YBX2: variants seen among roughly 807,000 people sequenced by gnomAD.
YBX2 encodes the protein Y-box binding protein 2, also known as Y-box-binding protein 2.
A neutral mutation model predicts 44.4 loss-of-function variants in YBX2; 5 were observed. The observed-to-expected ratio is 0.11, with a 90% CI of 0.06 to 0.24. The LOEUF is 0.24. YBX2 is among the 10% of genes least tolerant of loss of function. The pLI is 1.00. For missense variants in YBX2, 417 were observed against 526.9 expected (o/e 0.79, Z 2.04); for synonymous variants, 188 against 216.1 (o/e 0.87, Z 1.14).
chr17:7,290,297 C>G lies in YBX2; in HGVS notation c.698G>C (p.Arg233Pro), dbSNP rs541565176. The part of the protein sequence containing the change: ...WCPPPFFYRR[R>P]FVRGPRPPNQ... Reference sequence around the variant, plus strand: ...GGGAGGCCGGGGGCCTCGCACAAACCGCCGTCGGTAGAAGAAGGGTGGGGG... The same window carrying G: ...GGGAGGCCGGGGGCCTCGCACAAACGGCCGTCGGTAGAAGAAGGGTGGGGG... The change falls in exon 5 of 9, where the codon CGG becomes CCG. Residue 233 changes from arginine to proline, a missense_variant. Coordinates refer to ENST00000007699, the MANE Select transcript of YBX2 (RefSeq NM_015982.4). 1 of 1,613,528 alleles carries G rather than the reference C, an allele frequency of 6.2e-7. No individual in the cohort carries two copies. The highest frequency in any genetic ancestry group is 1.7e-5 in the Admixed American group (1 of 59,952).
rs1424040456 is a variant in YBX2 at position 7,290,342 on chromosome 17, T to C, written c.653A>G (p.Gln218Arg). The change falls in exon 5 of 9, where the codon CAA becomes CGA. Residue 218 changes from glutamine to arginine, a missense_variant. Transcript: ENST00000007699. The stretch of plus-strand genomic sequence containing the variant: ...TGGGGGGCACCATCGTCGGGGCCGT[T>C]GCCCAGAGTCTTCAGCCCGCTCCCC... ...SKGERAEDSG[Q>R]RPRRWCPPPF... The C allele has an allele frequency of 6.2e-7, 1 of 1,613,780 alleles. No homozygotes were observed. The highest frequency in any genetic ancestry group is 1.7e-5 in the Admixed American group (1 of 60,010).
At chr17:7,292,233 C>G in intron 2 of YBX2, 174 bp from the exon 3 acceptor site, 1 of 741,612 alleles carries the variant, frequency 1.3e-6, no homozygotes, top group Non-Finnish European at 2.4e-6. Context: ...CCCCCAGAAG[C>G]TGGTGTAAAG....
In YBX2 at chr17:7,294,270, G is replaced by A; in HGVS notation, c.231C>T (p.Pro77=). 1 of 1,274,300 alleles carries A rather than the reference G, an allele frequency of 7.8e-7. No individual in the cohort carries two copies. The highest frequency in any genetic ancestry group is 4.2e-5 in the Admixed American group (1 of 23,942). The allele number at this position is 1,274,300 out of a possible 1,614,324, so 78.9% of individuals were successfully genotyped here. A position where few individuals can be genotyped will look rare whatever the true frequency, so the allele number is the denominator to read the frequency against. ...GNPATAVSGT[P]APPARSQADK... The stretch of plus-strand genomic sequence containing the variant: ...CCGCCTGACTCCGGGCCGGGGGGGC[G>A]GGGGTTCCCGAGACCGCCGTCGCCG... The change falls in exon 1 of 9, where the codon CCC becomes CCT. Residue 77 remains proline, a synonymous_variant. Coordinates refer to ENST00000007699, the MANE Select transcript of YBX2 (RefSeq NM_015982.4). This position sits in a 1 kb window ranked among gnomAD's most constrained non-coding sequence, Gnocchi z 4.6.
intron 7 of YBX2, 106 bp downstream of exon 7, chr17:7,289,424 G>A: frequency 6.7e-7 from 1 of 1,500,484 alleles, no homozygotes; most frequent in Admixed American, 2.0e-5. Context: ...CAGGGCCAGG[G>A]CAGGGGAGGG....
chr17:7,292,209 G>T, intron 2 of YBX2, 150 bp from the exon 3 acceptor site: 2 of 891,732 alleles, frequency 2.2e-6, no homozygotes, highest in Non-Finnish European at 3.7e-6. Flanking sequence ...GAATGGGAGG[G>T]AGAGCCAGCA....
Position 7,294,325 on chromosome 17 carries a change from G to A in YBX2, c.176C>T (p.Ser59Leu). Residue 59 changes from serine (S) to leucine (L), a missense_variant, in exon 1 of 9, where the codon TCG becomes TTG. Physicochemically the swap from Ser to Leu is moderately radical, Grantham distance 145. Coordinates refer to ENST00000007699, the MANE Select transcript of YBX2 (RefSeq NM_015982.4). The surrounding 1 kb of genome is among the most constrained non-coding windows in gnomAD (Gnocchi z 4.6). ...GCCAGGGGTGCGGGAGCCCGGCGCCGAGGGGGTCCCAGCAGCGGGGCCCGA... is the reference window on the plus strand; with the variant it reads ...GCCAGGGGTGCGGGAGCCCGGCGCCAAGGGGGTCCCAGCAGCGGGGCCCGA... ...AASGPAAGTP[S>L]APGSRTPGNP... 3.1e-6 allele frequency: 4 copies of A among 1,292,132 alleles called. No homozygotes were observed. Among genetic ancestry groups the A allele is most frequent in the African/African-American group, 1.5e-5 (1 of 64,592 alleles). 80.0% of individuals were successfully genotyped at this position (1,292,132 alleles called of 1,614,324 possible).
At chr17:7,289,496 G>A (rs754970237) in intron 7 of YBX2, 34 bp downstream of exon 7, 3 of 1,569,878 alleles carry the variant, frequency 1.9e-6, no homozygotes, top group South Asian at 2.3e-5. Context: ...GCTGGTCTCA[G>A]CCTTTTCTTT....
Position 7,290,504 on chromosome 17 carries a change from C to G in YBX2, c.491G>C (p.Gly164Ala), listed in dbSNP as rs1449017139. 1 of 1,612,468 alleles carries G rather than the reference C, an allele frequency of 6.2e-7. No individual in the cohort carries two copies. Among genetic ancestry groups the G allele is most frequent in the Admixed American group, 1.7e-5 (1 of 59,942 alleles). Residue 164 changes from glycine to alanine, a missense_variant, in exon 5 of 9, where the codon GGG becomes GCG. Transcript: ENST00000007699. ...ACGGCTGCCCTTCACGGGTACTCCC[C>G]CAGGCCCAGTTACATTAGTGGCTTC... The part of the protein sequence containing the change: ...GAEATNVTGP[G>A]GVPVKGSRYA...
chr17:7,289,676 C>T lies in YBX2; in HGVS notation c.898G>A (p.Gly300Ser), dbSNP rs533341643. 5 of 1,614,122 alleles carry T rather than the reference C, an allele frequency of 3.1e-6. No individual in the cohort carries two copies. In the South Asian group the frequency reaches 5.5e-5, roughly 18 times the overall value. ...RQQPTTEGGD[G>S]ETKPSQGPAD... Reference sequence around the variant, plus strand: ...GGACCTTGGCTGGGCTTGGTCTCACCATCCCCACCTTCTGTGGTAGGCTGC... The same window carrying T: ...GGACCTTGGCTGGGCTTGGTCTCACTATCCCCACCTTCTGTGGTAGGCTGC... Residue 300 changes from glycine (G) to serine (S), a missense_variant, in exon 7 of 9, where the codon GGT (glycine) becomes AGT (serine). This residue lies in a region of YBX2 where 257 missense variants were observed against 261.7 expected (regional missense o/e 0.98). Transcript: ENST00000007699.
rs377140849 is a variant in YBX2, at chr17:7,290,391, C to A, written c.604G>T (p.Ala202Ser). Reference sequence around the variant, plus strand: ...CCTTTACTGCCAGGTCCTGTCCCCGCCGAGGGGATCTCTGCCACCATGGGT... The same window carrying A: ...CCTTTACTGCCAGGTCCTGTCCCCGACGAGGGGATCTCTGCCACCATGGGT... The part of the protein sequence containing the change: ...PPPMVAEIPS[A>S]GTGPGSKGER... Residue 202 changes from alanine to serine, a missense_variant, in exon 5 of 9, where the codon GCG (alanine) becomes TCG (serine). Ala to Ser is a moderately conservative substitution (Grantham distance 99). Coordinates refer to ENST00000007699, the MANE Select transcript of YBX2 (RefSeq NM_015982.4). The A allele has an allele frequency of 8.7e-6, 14 of 1,613,800 alleles. No homozygotes were observed. The East Asian group carries it at 3.1e-4, about 36-fold the overall frequency.
chr17:7,291,994 T>C lies in YBX2; in HGVS notation c.369+32A>G. 6.2e-7 allele frequency: 1 copy of C among 1,614,092 alleles called. No homozygotes were observed. The highest frequency in any genetic ancestry group is 1.1e-5 in the South Asian group (1 of 91,080). ...GCAAAGGCCTTCAAAGACGGCCGGTTCTTCCCCTCAGAAAGCTAACCTAGC... is the reference window on the plus strand; with the variant it reads ...GCAAAGGCCTTCAAAGACGGCCGGTCCTTCCCCTCAGAAAGCTAACCTAGC... On this transcript the variant is annotated intron_variant, in intron 3 of 8. Coordinates refer to ENST00000007699, the MANE Select transcript of YBX2 (RefSeq NM_015982.4). The surrounding 1 kb of genome is among the most constrained non-coding windows in gnomAD (Gnocchi z 5.8).
At position 7,289,579 on chromosome 17, in the gene YBX2, G is replaced by T; in HGVS notation, c.995C>A (p.Ala332Asp). 6.2e-7 allele frequency: 1 copy of T among 1,612,372 alleles called. No homozygotes were observed. ...GCCAGGGGCCTGCTGGGGGCCAGGG[G>T]CCTGCTGCCGTCTCCGCTGGAAGTA... ...RPYFQRRRQQ[A>D]PGPQQAPGPR... Residue 332 changes from alanine (A) to aspartate (D), a missense_variant, in exon 7 of 9, where the codon GCC (alanine) becomes GAC (aspartate). Transcript: ENST00000007699.
rs1201908770 is a variant in YBX2, at chr17:7,291,344, C to A, written c.370-162G>T. ...GGTCAAAGTTTAGCAGGGGAAAAGT[C>A]CTGAACTCAGGGCCTCAGCAGATTG... On this transcript the variant is annotated intron_variant, in intron 3 of 8. Transcript: ENST00000007699. This position sits in a 1 kb window ranked among gnomAD's most constrained non-coding sequence, Gnocchi z 5.8. 1.7e-5 allele frequency: 12 copies of A among 715,984 alleles called. 1 individual carries two copies. The Admixed American group carries it at 2.5e-4, about 15-fold the overall frequency. 44.4% of individuals were successfully genotyped at this position (715,984 alleles called of 1,614,324 possible).
rs1439450409 is a variant in YBX2, at chr17:7,290,211, A to G, written c.744+40T>C. The G allele has an allele frequency of 3.1e-6, 5 of 1,606,830 alleles. No homozygotes were observed. The South Asian group carries it at 5.5e-5, about 18-fold the overall frequency. ...TATCCTAACTCCCACTCCTCTCCTG[A>G]ACTTGGGGAACTGGCTCCCATATTC... On this transcript the variant is annotated intron_variant, in intron 5 of 8. Coordinates refer to ENST00000007699, the MANE Select transcript of YBX2 (RefSeq NM_015982.4).
chr17:7,289,816 C>T, intron 6 of YBX2, 91 bp from the exon 7 acceptor site: 2 of 1,596,868 alleles, frequency 1.3e-6, no homozygotes, highest in African/African-American at 1.3e-5. Flanking sequence ...AGGAGCCAGG[C>T]TTCCAGCCCA....
At chr17:7,293,657 G>A (rs965833811) in intron 1 of YBX2, 119 bp from the exon 2 acceptor site, 3 of 1,552,530 alleles carry the variant, frequency 1.9e-6, no homozygotes, top group Non-Finnish European at 1.7e-6. Flanking sequence ...ACCTATTCAG[G>A]TTACCTTCAA....
In YBX2 at chr17:7,289,551, G is replaced by A. The variant is rs139135690; in HGVS notation, c.1023C>T (p.Pro341=). 3.3e-3 allele frequency: 5,286 copies of A among 1,603,672 alleles called. 12 individuals carry two copies. Among genetic ancestry groups the A allele is most frequent in the Non-Finnish European group, 4.1e-3 (4,869 of 1,176,268 alleles). The stretch of plus-strand genomic sequence containing the variant: ...TCACCTCAGGGGCTGCGGGCTGCCG[G>A]GGGCCAGGGGCCTGCTGGGGGCCAG... ...QAPGPQQAPG[P]RQPAAPETSA... Residue 341 remains proline (P), a synonymous_variant, in exon 7 of 9, where the codon CCC becomes CCT. Transcript: ENST00000007699.
chr17:7,290,978 C>T (rs1208503491), intron 4 of YBX2, 115 bp downstream of exon 4: 8 of 1,015,284 alleles, frequency 7.9e-6, no homozygotes, highest in African/African-American at 1.6e-5. Context: ...AGAACACAGT[C>T]CCATTCCCGC....
In YBX2 at chr17:7,292,063, C is replaced by A; in HGVS notation, c.336-4G>T. On this transcript the variant is annotated splice_region_variant and splice_polypyrimidine_tract_variant and intron_variant, in intron 2 of 8. Transcript: ENST00000007699. ...GACATCTTCCTTGGTGTCATTCCTG[C>A]AGAACAGGATGGGTCGTTAAGGAAG... The A allele has an allele frequency of 6.2e-7, 1 of 1,614,086 alleles. No individual in the cohort carries two copies. The highest frequency in any genetic ancestry group is 8.5e-7 in the Non-Finnish European group (1 of 1,180,000).
Sources: gnomAD v4.1 joint callset for allele counts on GRCh38, gnomAD v4.1.1 for gene constraint, gnomAD v4.1.1 regional missense constraint, Gnocchi (gnomAD v3.1) non-coding constraint, MANE v1.5 for transcripts, NCBI Gene and HGNC (gene_info 2026-07-23, HGNC 2026-07-21) for gene names.